ZC3H12C: variants seen among roughly 807,000 people sequenced by gnomAD.
ZC3H12C encodes the protein probable ribonuclease ZC3H12C.
In ZC3H12C, 20 loss-of-function variants were observed where a neutral mutation model predicts 76.3. The observed-to-expected ratio is 0.26, with a 90% confidence interval of 0.18 to 0.38. The LOEUF is 0.38. Ranked by LOEUF, ZC3H12C falls within the 10% of genes least tolerant of loss-of-function variation. The pLI is 1.00. For synonymous variants in ZC3H12C, 352 were observed against 399.6 expected (o/e 0.88, Z 1.42); for missense variants, 874 against 1,086.5 (o/e 0.80, Z 2.75).
In ZC3H12C at chr11:110,165,637, CT is replaced by C. The variant is rs757999931; in HGVS notation, c.2553del (p.Asp852ThrfsTer3). On this transcript the variant is annotated frameshift_variant, in exon 6 of 6. Coordinates refer to ENST00000278590, the MANE Select transcript of ZC3H12C (RefSeq NM_033390.2). LOFTEE classifies it high-confidence loss of function. ...IYINLCNIFPPDLVRIVMKRN... is the reference protein window; with the variant it reads ...IYINLCNIFPXDLVRIVMKRN... Reference sequence around the variant, plus strand: ...ATCAATTTGTGCAACATCTTCCCCCCTGACCTTGTGAGAATTGTCATGAAAA... The same window carrying C: ...ATCAATTTGTGCAACATCTTCCCCCCGACCTTGTGAGAATTGTCATGAAAA... 3.1e-6 allele frequency: 5 copies of C among 1,599,182 alleles called. No individual in the cohort carries two copies. The highest frequency in any genetic ancestry group is 4.5e-5 in the East Asian group (2 of 44,298).
chr11:110,115,340 T>G (rs1051202656), intron 1 of ZC3H12C, among the ~76,000 whole-genome samples: 4 of 152,138 alleles, frequency 2.6e-5, no homozygotes, highest in African/African-American at 4.8e-5. Flanking sequence ...TCTCGCTCTA[T>G]CACCCAGGCT....
intron 1 of ZC3H12C, among the ~76,000 whole-genome samples, chr11:110,093,965 C>A (rs1041226835): frequency 1.3e-5 from 2 of 152,146 alleles, no homozygotes; most frequent in African/African-American, 4.8e-5. Flanking sequence ...GCCCCTCACT[C>A]CCCCCTCGTC....
intron 3 of ZC3H12C, among the ~76,000 whole-genome samples, chr11:110,157,277 A>G (rs889618543): frequency 2.0e-5 from 3 of 152,018 alleles, no homozygotes; most frequent in Admixed American, 1.3e-4. Context: ...GCACTGTGCT[A>G]GCTGCTTTGC....
In ZC3H12C at chr11:110,167,423, A is replaced by T. The variant is rs1862604203; in HGVS notation, c.*1686A>T. 6.6e-6 allele frequency: 1 copy of T among 152,222 alleles called. No individual in the cohort carries two copies. Among genetic ancestry groups the T allele is most frequent in the South Asian group, 2.1e-4 (1 of 4,838 alleles). The allele number at this position is 152,222 out of a possible 1,614,324, so 9.4% of individuals were successfully genotyped here. A position where few individuals can be genotyped will look rare whatever the true frequency, so the allele number is the denominator to read the frequency against. On this transcript the variant is annotated 3_prime_UTR_variant, in exon 6 of 6. Transcript: ENST00000278590. ...AATTGAGGTCTAGAATAGATTAGAAAATAAAAATAACAATTTAGATAAATA... is the reference window on the plus strand; with the variant it reads ...AATTGAGGTCTAGAATAGATTAGAATATAAAAATAACAATTTAGATAAATA...
At chr11:110,126,462 C>T (rs1861750239) in intron 1 of ZC3H12C, among the ~76,000 whole-genome samples, 1 of 152,086 alleles carries the variant, frequency 6.6e-6, no homozygotes, top group Admixed American at 6.6e-5. Flanking sequence ...TCAAGCAGTC[C>T]TCCTGCCTCA....
At chr11:110,103,882 C>T (rs1330475336) in intron 1 of ZC3H12C, among the ~76,000 whole-genome samples, 5 of 152,056 alleles carry the variant, frequency 3.3e-5, no homozygotes, top group African/African-American at 4.8e-5. Context: ...GGATTACAGG[C>T]GTGAGCCACC....
At chr11:110,160,296 T>C (rs907149652) in intron 4 of ZC3H12C, among the ~76,000 whole-genome samples, 1 of 152,234 alleles carries the variant, frequency 6.6e-6, no homozygotes, top group African/African-American at 2.4e-5. Context: ...AAACACTGTA[T>C]ACTTAGGCTA....
intron 1 of ZC3H12C, among the ~76,000 whole-genome samples, chr11:110,125,380 G>T (rs1162252132): frequency 1.5e-4 from 22 of 151,614 alleles, no homozygotes; most frequent in Non-Finnish European, 3.2e-4. Flanking sequence ...GGAGTGCAGT[G>T]GTGTGATCTT....
rs942393418 is a variant in ZC3H12C, at chr11:110,164,191, G to A, written c.1256-150G>A. 7 of 693,992 alleles carry A rather than the reference G, an allele frequency of 1.0e-5. No homozygotes were observed. The highest frequency in any genetic ancestry group is 1.4e-5 in the Non-Finnish European group (6 of 432,912). 43.0% of individuals were successfully genotyped at this position (693,992 alleles called of 1,614,324 possible). On this transcript the variant is annotated intron_variant, in intron 5 of 5. Transcript: ENST00000278590. The surrounding 1 kb of genome is among the most constrained non-coding windows in gnomAD (Gnocchi z 5.7). ...TAAAGAAATGAGAAGACTGAGAAGTGACGTTTCTCAAGAGTAAAGAACAGA... is the reference window on the plus strand; with the variant it reads ...TAAAGAAATGAGAAGACTGAGAAGTAACGTTTCTCAAGAGTAAAGAACAGA...
At chr11:110,141,037 C>T (rs932113478) in intron 2 of ZC3H12C, among the ~76,000 whole-genome samples, 9 of 152,056 alleles carry the variant, frequency 5.9e-5, no homozygotes, top group Non-Finnish European at 1.0e-4. Context: ...GTTTTATATA[C>T]CAATCAAATG....
rs953890537 is a variant in ZC3H12C, at chr11:110,141,371, G to A, written c.773+3957G>A. Among the ~76,000 whole-genome samples, 9 of 152,292 alleles carry A rather than the reference G, an allele frequency of 5.9e-5. No individual in the cohort carries two copies. The South Asian group carries it at 1.9e-3, about 32-fold the overall frequency. On this transcript the variant is annotated intron_variant, in intron 2 of 5. Transcript: ENST00000278590. ...CTGTACAATCAGGATTTAAGCTTCT[G>A]ATTAATCTTTTAAAAAGTACAAAGC...
At chr11:110,120,715 CT>C (rs1187322933) in intron 1 of ZC3H12C, among the ~76,000 whole-genome samples, 2 of 152,304 alleles carry the variant, frequency 1.3e-5, no homozygotes, top group African/African-American at 4.8e-5. Flanking sequence ...GATGGGGAAT[CT>C]GCAAATGATG....
chr11:110,139,179 G>C (rs11822900), intron 2 of ZC3H12C, among the ~76,000 whole-genome samples: 1,543 of 152,276 alleles, frequency 0.01, 24 homozygotes, highest in African/African-American at 0.034. Flanking sequence ...GCTTTTTCGG[G>C]TGGAGGCAGT....
chr11:110,135,596 A>G (rs1390735540), intron 1 of ZC3H12C, among the ~76,000 whole-genome samples: 1 of 152,182 alleles, frequency 6.6e-6, no homozygotes. Context: ...TAGTAGAGAA[A>G]TAACATTTCC....
At position 110,140,399 on chromosome 11, in the gene ZC3H12C, G is replaced by T. The variant is rs375761805; in HGVS notation, c.773+2985G>T. On this transcript the variant is annotated intron_variant, in intron 2 of 5. Coordinates refer to ENST00000278590, the MANE Select transcript of ZC3H12C (RefSeq NM_033390.2). ...TTTGAGTTCTTCAATATTCTTCCAT[G>T]ACCTAGTCATCTGACTTCATTAAAA... Among the ~76,000 whole-genome samples the T allele has an allele frequency of 7.7e-4, 117 of 152,300 alleles. 1 individual carries two copies. The highest frequency in any genetic ancestry group is 2.7e-3 in the African/African-American group (112 of 41,574).
In ZC3H12C at chr11:110,159,487, A is replaced by T; in HGVS notation, c.1145A>T (p.Asp382Val). The change falls in exon 4 of 6, where the codon GAC becomes GTC. Residue 382 changes from aspartate to valine, a missense_variant. By Grantham distance (152) the Asp-to-Val change is radical. Coordinates refer to ENST00000278590, the MANE Select transcript of ZC3H12C (RefSeq NM_033390.2). The part of the protein sequence containing the change: ...ERLLMYSFVN[D>V]KFMPPDDPLG... ...TTATTAATGTATTCATTTGTCAATGACAAGTAAGTAAAACCATTTACTTGC... is the reference window on the plus strand; with the variant it reads ...TTATTAATGTATTCATTTGTCAATGTCAAGTAAGTAAAACCATTTACTTGC... 9.4e-6 allele frequency: 15 copies of T among 1,598,850 alleles called. No individual in the cohort carries two copies. The highest frequency in any genetic ancestry group is 1.3e-5 in the Non-Finnish European group (15 of 1,171,056).
intron 1 of ZC3H12C, among the ~76,000 whole-genome samples, chr11:110,126,222 T>C (rs55800463): frequency 0.067 from 2,321 of 34,638 alleles, 101 homozygotes; most frequent in East Asian, 0.097. Flanking sequence ...TCTTCTTTTT[T>C]TTTTTTTTTT....
chr11:110,118,504 T>G (rs1339541303), intron 1 of ZC3H12C, among the ~76,000 whole-genome samples: 1 of 152,070 alleles, frequency 6.6e-6, no homozygotes, highest in African/African-American at 2.4e-5. Context: ...AAAAGTTTAT[T>G]AAGAAATACA....
intron 1 of ZC3H12C, among the ~76,000 whole-genome samples, chr11:110,105,491 AT>A (rs1403058025): frequency 6.6e-6 from 1 of 152,146 alleles, no homozygotes; most frequent in Non-Finnish European, 1.5e-5. Context: ...TCTAAACTAC[AT>A]TTCTATTACT....
Sources: allele counts gnomAD v4.1 joint callset (sites outside exome capture counted in the v4.1 genomes callset), GRCh38; gene constraint gnomAD v4.1.1; non-coding constraint Gnocchi (gnomAD v3.1); transcripts MANE v1.5; gene names NCBI Gene and HGNC (gene_info 2026-07-23, HGNC 2026-07-21).